TMEM245: variants seen among roughly 807,000 people sequenced by gnomAD.
TMEM245 encodes protein CG-2.
A neutral mutation model predicts 101.2 loss-of-function variants in TMEM245; 69 were observed. The observed-to-expected ratio is 0.68, with a 90% CI of 0.56 to 0.83. TMEM245 has a LOEUF of 0.83. TMEM245 is among the 40% of genes least tolerant of loss of function. The pLI is 0.00. For synonymous variants in TMEM245, 537 were observed against 449.8 expected (o/e 1.19, Z -2.45); for missense variants, 1,075 against 1,092.8 (o/e 0.98, Z 0.23).
At chr9:109,103,173 C>T (rs1194046834) in intron 3 of TMEM245, among the ~76,000 whole-genome samples, 3 of 152,066 alleles carry the variant, frequency 2.0e-5, no homozygotes, top group Non-Finnish European at 4.4e-5. Context: ...TCAAACTATC[C>T]CTATTGCAGA....
At chr9:109,024,321 T>A (rs749856308) in intron 17 of TMEM245, among the ~76,000 whole-genome samples, 3 of 152,210 alleles carry the variant, frequency 2.0e-5, no homozygotes, top group Non-Finnish European at 4.4e-5. Context: ...AAGGCTAGGA[T>A]TTACTATGTC....
At chr9:109,076,315 ATGG>A (rs1377814642) in intron 8 of TMEM245, among the ~76,000 whole-genome samples, 1 of 147,040 alleles carries the variant, frequency 6.8e-6, no homozygotes, top group East Asian at 2.1e-4. Context: ...TCACTCATAG[ATGG>A]GAACTGAACA....
At chr9:109,020,631 G>T in intron 17 of TMEM245, 126 bp from the exon 18 acceptor site, 1 of 834,326 alleles carries the variant, frequency 1.2e-6, no homozygotes, top group Non-Finnish European at 1.9e-6. Context: ...ATTGAGTATT[G>T]TTTCAAAGTC....
chr9:109,034,730 G>C (rs1305113729), intron 16 of TMEM245, among the ~76,000 whole-genome samples: 1 of 152,140 alleles, frequency 6.6e-6, no homozygotes, highest in Non-Finnish European at 1.5e-5. Context: ...ACAGGCTTGA[G>C]CCACTATGCT....
intron 12 of TMEM245, among the ~76,000 whole-genome samples, chr9:109,052,962 T>G (rs1462718258): frequency 6.6e-6 from 1 of 152,090 alleles, no homozygotes; most frequent in Non-Finnish European, 1.5e-5. Flanking sequence ...AGAAAGGGAA[T>G]CAACTGGAGA....
At chr9:109,110,749 T>C (rs1188795214) in intron 1 of TMEM245, among the ~76,000 whole-genome samples, 1 of 152,132 alleles carries the variant, frequency 6.6e-6, no homozygotes, top group East Asian at 1.9e-4. Context: ...TAATCTATCA[T>C]GATTCAAAAA....
chr9:109,086,725 T>C (rs1216103265), intron 6 of TMEM245, among the ~76,000 whole-genome samples: 1 of 152,234 alleles, frequency 6.6e-6, no homozygotes, highest in Non-Finnish European at 1.5e-5. Context: ...TGAATTTTTA[T>C]CAACTGCTGT....
chr9:109,096,445 G>GAGATCATGCCAATAAGCCA (rs2132595038), intron 3 of TMEM245, among the ~76,000 whole-genome samples: 1 of 152,304 alleles, frequency 6.6e-6, no homozygotes, highest in African/African-American at 2.4e-5. Context: ...TTATTGAGCT[G>GAGATCATGCCAATAAGCCA]AGATCATGCC....
At chr9:109,044,116 C>T (rs7033045) in intron 14 of TMEM245, among the ~76,000 whole-genome samples, 202 of 152,284 alleles carry the variant, frequency 1.3e-3, no homozygotes, top group African/African-American at 4.7e-3. Flanking sequence ...GATCTTCATC[C>T]TTTATAAATC....
chr9:109,090,896 G>A (rs773020015), intron 5 of TMEM245, 26 bp downstream of exon 5: 23 of 1,593,140 alleles, frequency 1.4e-5, no homozygotes, highest in African/African-American at 5.4e-5. Context: ...AAGACAAGAC[G>A]AGATCGTACT....
chr9:109,083,899 T>TAAAAAAAAAAA (rs1829745048), intron 7 of TMEM245, among the ~76,000 whole-genome samples: 1 of 2,008 alleles, frequency 5.0e-4, no homozygotes, highest in Non-Finnish European at 1.1e-3. Context: ...CTACTAAAAA[T>TAAAAAAAAAAA]ACAAAAAAAA....
intron 2 of TMEM245, 34 bp downstream of exon 2, chr9:109,108,418 CT>C (rs1830482266): frequency 3.2e-6 from 3 of 937,150 alleles, no homozygotes; most frequent in Non-Finnish European, 3.0e-6. Flanking sequence ...TTAGGCTAGA[CT>C]TAAAAAAAAA....
chr9:109,055,640 T>C (rs1828810706), intron 12 of TMEM245, among the ~76,000 whole-genome samples: 1 of 150,124 alleles, frequency 6.7e-6, no homozygotes, highest in Admixed American at 6.6e-5. Context: ...TTTTTTTCTT[T>C]TTTTTTTTTT....
At chr9:109,024,076 T>C (rs1827722606) in intron 17 of TMEM245, among the ~76,000 whole-genome samples, 1 of 152,198 alleles carries the variant, frequency 6.6e-6, no homozygotes, top group South Asian at 2.1e-4. Flanking sequence ...TGTAAATATG[T>C]AAATCATTTA....
intron 11 of TMEM245, among the ~76,000 whole-genome samples, chr9:109,057,925 C>CTTT (rs35332085): frequency 3.5e-5 from 4 of 112,736 alleles, no homozygotes; most frequent in South Asian, 2.9e-4. Context: ...CATTTACTTT[C>CTTT]TTTTTTTTTT....
At chr9:109,068,712 C>T (rs1829244720) in intron 9 of TMEM245, among the ~76,000 whole-genome samples, 1 of 152,206 alleles carries the variant, frequency 6.6e-6, no homozygotes, top group Admixed American at 6.5e-5. Context: ...TTGATACCTA[C>T]AACATCTTGG....
intron 5 of TMEM245, among the ~76,000 whole-genome samples, chr9:109,088,027 T>A (rs1041005624): frequency 8.5e-5 from 13 of 152,166 alleles, no homozygotes; most frequent in Non-Finnish European, 4.4e-5. Context: ...GTGAAGTGGC[T>A]CTTTAAGCAG....
At chr9:109,083,766 TAAAAC>T (rs1458421001) in intron 7 of TMEM245, among the ~76,000 whole-genome samples, 3 of 151,166 alleles carry the variant, frequency 2.0e-5, no homozygotes, top group Non-Finnish European at 4.4e-5. Flanking sequence ...TACTAAGAAA[TAAAAC>T]AAAGCCAGGT....
At chr9:109,099,115 T>G (rs1274496634) in intron 3 of TMEM245, among the ~76,000 whole-genome samples, 1 of 152,072 alleles carries the variant, frequency 6.6e-6, no homozygotes, top group African/African-American at 2.4e-5. Context: ...AAATAACACC[T>G]CCCCAGCCTG....
Sources: gnomAD v4.1 joint callset for allele counts (sites outside exome capture counted in the v4.1 genomes callset) on GRCh38, gnomAD v4.1.1 for gene constraint, MANE v1.5 for transcripts, NCBI Gene and HGNC (gene_info 2026-07-23, HGNC 2026-07-21) for gene names.